The following ATAT1 variants were observed in gnomAD, a reference collection of about 807,000 sequenced individuals.
The protein encoded by ATAT1 is alpha-tubulin N-acetyltransferase 1.
A neutral mutation model predicts 57.2 loss-of-function variants in ATAT1; 42 were observed. The ratio of observed to expected loss-of-function variants is 0.73; its 90% confidence interval spans 0.57 to 0.95. The LOEUF (loss-of-function observed/expected upper bound fraction) is 0.95. ATAT1 is among the 40% of genes least tolerant of loss of function. The probability of loss-of-function intolerance (pLI) is 0.00; values close to 1 mark genes in which losing one functional copy is unlikely to be tolerated. For synonymous variants in ATAT1, 168 were observed against 187.1 expected, an observed-to-expected ratio of 0.90 and a Z score of 0.83; for missense variants, 454 against 523.7, an observed-to-expected ratio of 0.87 and a Z score of 1.30.
chr6:30,630,291 A>T (rs1332692451), intron 6 of ATAT1, among the ~76,000 whole-genome samples: 1 of 152,048 alleles, frequency 6.6e-6, no homozygotes, highest in Non-Finnish European at 1.5e-5. Flanking sequence ...ACTGCATTAT[A>T]GCCTGGGCAA....
chr6:30,638,113 G>A (rs1340625774), intron 6 of ATAT1, among the ~76,000 whole-genome samples: 61 of 151,906 alleles, frequency 4.0e-4, no homozygotes, highest in Admixed American at 6.6e-4. Flanking sequence ...TCCTGACCTC[G>A]TGATCGGCCC....
At chr6:30,644,008 G>A in intron 10 of ATAT1, 1 of 999,964 alleles carries the variant, frequency 1.0e-6, no homozygotes, top group Non-Finnish European at 1.2e-6. Flanking sequence ...CTCTAATACT[G>A]CTTTGTGCTG....
chr6:30,629,819 C>T (rs1025576973), intron 6 of ATAT1, among the ~76,000 whole-genome samples: 9 of 152,164 alleles, frequency 5.9e-5, no homozygotes, highest in Admixed American at 1.3e-4. Flanking sequence ...GCTGGGATTA[C>T]AGGCGTGAGC....
intron 10 of ATAT1, 157 bp downstream of exon 10, chr6:30,643,168 T>C: frequency 1.4e-6 from 2 of 1,472,040 alleles, no homozygotes; most frequent in African/African-American, 1.4e-5. Flanking sequence ...GTGCAAGTGA[T>C]CTGGGAAAAA....
intron 6 of ATAT1, among the ~76,000 whole-genome samples, chr6:30,637,096 C>T (rs1409437636): frequency 1.3e-5 from 2 of 152,062 alleles, no homozygotes; most frequent in African/African-American, 2.4e-5. Flanking sequence ...CCACCATACC[C>T]GGTCCTGGAG....
chr6:30,640,304 A>G (rs1056973567), intron 6 of ATAT1, 73 bp from the exon 7 acceptor site: 26 of 1,517,848 alleles, frequency 1.7e-5, no homozygotes, highest in African/African-American at 2.7e-5. Context: ...AAATCACCCA[A>G]TGACGTATTT....
intron 6 of ATAT1, among the ~76,000 whole-genome samples, chr6:30,633,406 G>C (rs1391527803): frequency 6.6e-6 from 1 of 152,130 alleles, no homozygotes; most frequent in Non-Finnish European, 1.5e-5. Context: ...AAAGATTATA[G>C]ATAGAGAAGC....
intron 10 of ATAT1, among the ~76,000 whole-genome samples, chr6:30,645,379 C>A (rs531809540): frequency 1.3e-5 from 2 of 152,192 alleles, no homozygotes; most frequent in African/African-American, 2.4e-5. Flanking sequence ...CCGTGCCCAG[C>A]TAGTTTGTGT....
intron 6 of ATAT1, among the ~76,000 whole-genome samples, chr6:30,639,470 ACTTT>A (rs781076698): frequency 5.5e-4 from 80 of 145,488 alleles, no homozygotes; most frequent in East Asian, 2.6e-3. Flanking sequence ...TTGTCTTTTC[ACTTT>A]CTTTCTTTTT....
rs772902131 is a variant in ATAT1 at position 30,646,570 on chromosome 6, C to T, written c.1157C>T (p.Thr386Ile). Residue 386 changes from threonine (T) to isoleucine (I), a missense_variant, in exon 13 of 13, where the codon ACA becomes ATA. Coordinates refer to ENST00000330083, the MANE Select transcript of ATAT1 (RefSeq NM_001031722.4). ...CCGGCCCCGCCAGCCCAGTCCTGGACAGTGGGTGGGGACATACTCAACGCC... is the reference window on the plus strand; with the variant it reads ...CCGGCCCCGCCAGCCCAGTCCTGGATAGTGGGTGGGGACATACTCAACGCC... 5.1e-6 allele frequency: 8 copies of T among 1,581,932 alleles called. No homozygotes were observed. The highest frequency in any genetic ancestry group is 1.3e-5 in the African/African-American group (1 of 74,150).
At position 30,627,738 on chromosome 6, in the gene ATAT1, C is replaced by T. The variant is rs761230673; in HGVS notation, c.224+11C>T. On this transcript the variant is annotated intron_variant, in intron 3 of 12. Coordinates refer to ENST00000330083, the MANE Select transcript of ATAT1 (RefSeq NM_001031722.4). ...CAGTTCAGCCCGACCGTGAGTGCCA[C>T]ATGCTCTTCCATCCCATACTTAATT... 1.2e-6 allele frequency: 2 copies of T among 1,610,120 alleles called. No homozygotes were observed. The highest frequency in any genetic ancestry group is 2.2e-5 in the South Asian group (2 of 91,034).
intron 8 of ATAT1, 54 bp downstream of exon 8, chr6:30,640,657 T>G: frequency 6.3e-7 from 1 of 1,586,424 alleles, no homozygotes; most frequent in Non-Finnish European, 8.6e-7. Context: ...CTACTTACTC[T>G]AGATGCCACG....
intron 6 of ATAT1, among the ~76,000 whole-genome samples, chr6:30,632,191 G>A (rs909146283): frequency 2.0e-5 from 3 of 151,288 alleles, no homozygotes; most frequent in East Asian, 1.9e-4. Flanking sequence ...CACTAGAACC[G>A]GGAGGCGGAG....
intron 6 of ATAT1, among the ~76,000 whole-genome samples, chr6:30,636,222 C>T (rs1295998660): frequency 6.6e-6 from 1 of 152,074 alleles, no homozygotes; most frequent in Admixed American, 6.6e-5. Context: ...AAGTGTTTGT[C>T]AGGTGGACAA....
chr6:30,638,173 G>A (rs1265557942), intron 6 of ATAT1, among the ~76,000 whole-genome samples: 5 of 151,924 alleles, frequency 3.3e-5, no homozygotes, highest in Admixed American at 1.3e-4. Context: ...CACTGGGCCC[G>A]GCCCACGCCT....
Position 30,642,246 on chromosome 6 carries a change from A to C in ATAT1, c.687A>C (p.Glu229Asp). The change falls in exon 9 of 13, where the codon GAA becomes GAC. Residue 229 changes from glutamate (E) to aspartate (D), a missense_variant and splice_region_variant. Glu to Asp is a conservative substitution (Grantham distance 45, BLOSUM62 2). This residue lies in a region of ATAT1 where 236 missense variants were observed against 284.5 expected (regional missense o/e 0.83). Transcript: ENST00000330083. ...AGCCATACTCCTCTAGTGACCGAGA[A>C]TGTAAGAGGGGCAAGGGTCGGGTGT... The C allele has an allele frequency of 6.2e-7, 1 of 1,614,096 alleles. No homozygotes were observed. Among genetic ancestry groups the C allele is most frequent in the Non-Finnish European group, 8.5e-7 (1 of 1,179,992 alleles).
rs754511966 is a variant in ATAT1, at chr6:30,627,848, C to G, written c.225-3C>G. The G allele has an allele frequency of 6.2e-7, 1 of 1,612,780 alleles. No homozygotes were observed. The highest frequency in any genetic ancestry group is 8.5e-7 in the Non-Finnish European group (1 of 1,179,930). On this transcript the variant is annotated splice_region_variant and splice_polypyrimidine_tract_variant and intron_variant, in intron 3 of 12. Coordinates refer to ENST00000330083, the MANE Select transcript of ATAT1 (RefSeq NM_001031722.4). The stretch of plus-strand genomic sequence containing the variant: ...CCTGTTCATTATTTTCCCCGTCCTA[C>G]AGGGCTGGAAAAGGAGCCATTATTG...
At chr6:30,643,423 T>A in intron 10 of ATAT1, 2 of 1,519,042 alleles carry the variant, frequency 1.3e-6, no homozygotes, top group Non-Finnish European at 8.9e-7. Context: ...GGGCATTTCC[T>A]TTATTTCTCT....
rs200645563 is a variant in ATAT1, at chr6:30,632,215, G to A, written c.501+3785G>A. 4.7e-5 allele frequency among the ~76,000 whole-genome samples: 7 copies of A among 148,658 alleles called. No individual in the cohort carries two copies. In the East Asian group the frequency reaches 5.9e-4, roughly 13 times the overall value. On this transcript the variant is annotated intron_variant, in intron 6 of 12. Transcript: ENST00000330083. ...CGGGAGGCGGAGGTTGCAGTGAGCC[G>A]CTGAAATTGTACCACTGCACTCCTG... is the stretch of plus-strand genomic sequence containing the variant.
Sources: gnomAD v4.1 joint callset for allele counts (sites outside exome capture counted in the v4.1 genomes callset) on GRCh38, gnomAD v4.1.1 for gene constraint, gnomAD v4.1.1 regional missense constraint, MANE v1.5 for transcripts, NCBI Gene and HGNC (gene_info 2026-07-23, HGNC 2026-07-21) for gene names.